CDH18: variants seen among roughly 807,000 people sequenced by gnomAD.
The protein encoded by CDH18 is cadherin 18.
Under a neutral mutation model 67.9 loss-of-function variants are expected in CDH18, and 31 were observed. The observed-to-expected ratio is 0.46, with a 90% CI of 0.34 to 0.62. CDH18 has a LOEUF of 0.62. Ranked by LOEUF, CDH18 falls within the 20% of genes least tolerant of loss-of-function variation. The pLI is 0.01. For missense variants in CDH18, 890 were observed against 975.5 expected, an observed-to-expected ratio of 0.91 and a Z score of 1.17; for synonymous variants, 362 against 347.2, an observed-to-expected ratio of 1.04 and a Z score of -0.48.
intron 3 of CDH18, among the ~76,000 whole-genome samples, chr5:19,782,592 G>A (rs749204308): frequency 1.3e-5 from 2 of 152,154 alleles, no homozygotes; most frequent in Admixed American, 6.6e-5. Context: ...ATGGAGTCAG[G>A]GCAGCACGAT....
chr5:20,073,560 C>A (rs923504674), intron 2 of CDH18, among the ~76,000 whole-genome samples: 1 of 151,942 alleles, frequency 6.6e-6, no homozygotes. Flanking sequence ...CATAAGATTG[C>A]GATATGTTTC....
intron 2 of CDH18, among the ~76,000 whole-genome samples, chr5:20,031,784 T>C (rs989022542): frequency 2.6e-4 from 39 of 152,120 alleles, no homozygotes; most frequent in African/African-American, 9.2e-4. Flanking sequence ...AATTCACAAA[T>C]GTCCTTGCAC....
chr5:20,398,207 T>C (rs1391169449), intron 1 of CDH18, among the ~76,000 whole-genome samples: 7 of 152,192 alleles, frequency 4.6e-5, no homozygotes, highest in African/African-American at 1.4e-4. Flanking sequence ...TTTTAAATTA[T>C]TATGTTTTCT....
chr5:19,684,727 G>A (rs1580857550), intron 5 of CDH18, among the ~76,000 whole-genome samples: 1 of 151,886 alleles, frequency 6.6e-6, no homozygotes, highest in East Asian at 1.9e-4. Flanking sequence ...AAAAGTGAAT[G>A]AAAGAGAGAG....
chr5:20,369,352 C>G (rs768523176), intron 1 of CDH18, among the ~76,000 whole-genome samples: 1 of 152,060 alleles, frequency 6.6e-6, no homozygotes, highest in Admixed American at 6.6e-5. Flanking sequence ...TTGCAACCTG[C>G]AAAAAGAAAC....
intron 3 of CDH18, among the ~76,000 whole-genome samples, chr5:19,816,847 A>T (rs991131370): frequency 1.3e-5 from 2 of 151,870 alleles, no homozygotes; most frequent in Non-Finnish European, 3.0e-5. Flanking sequence ...TAGGTCAAAC[A>T]AAATATAATT....
At chr5:20,084,748 G>C (rs1744802585) in intron 2 of CDH18, among the ~76,000 whole-genome samples, 1 of 152,186 alleles carries the variant, frequency 6.6e-6, no homozygotes, top group African/African-American at 2.4e-5. Context: ...CGCCAAGCTT[G>C]AGGCTTGCAT....
intron 1 of CDH18, among the ~76,000 whole-genome samples, chr5:20,522,079 G>C (rs545918634): frequency 8.5e-5 from 13 of 152,178 alleles, no homozygotes; most frequent in African/African-American, 2.9e-4. Flanking sequence ...CTTACAAAAA[G>C]AGAAAATTTG....
intron 2 of CDH18, among the ~76,000 whole-genome samples, chr5:20,159,379 G>A (rs1751801968): frequency 6.6e-6 from 1 of 152,118 alleles, no homozygotes; most frequent in Admixed American, 6.6e-5. Flanking sequence ...GCCCTAGGAG[G>A]AGGAATCTGG....
At chr5:20,453,705 G>C (rs190154262) in intron 1 of CDH18, among the ~76,000 whole-genome samples, 2 of 151,886 alleles carry the variant, frequency 1.3e-5, no homozygotes, top group African/African-American at 4.8e-5. Flanking sequence ...GTGGTTAGCA[G>C]CTCTGATCCT....
At chr5:20,174,541 T>C (rs1347101555) in intron 2 of CDH18, among the ~76,000 whole-genome samples, 1 of 152,188 alleles carries the variant, frequency 6.6e-6, no homozygotes, top group African/African-American at 2.4e-5. Context: ...CCAAATTTAT[T>C]CACCTTTTTT....
At chr5:19,934,989 G>T (rs1254511659) in intron 2 of CDH18, among the ~76,000 whole-genome samples, 2 of 151,276 alleles carry the variant, frequency 1.3e-5, no homozygotes, top group Non-Finnish European at 3.0e-5. Flanking sequence ...GTTTTGAAAA[G>T]TTTGTTTTCT....
At chr5:20,020,092 G>C (rs888636467) in intron 2 of CDH18, among the ~76,000 whole-genome samples, 4 of 152,182 alleles carry the variant, frequency 2.6e-5, no homozygotes, top group Non-Finnish European at 5.9e-5. Flanking sequence ...TTGAACTTCA[G>C]AGAGATGATA....
intron 2 of CDH18, among the ~76,000 whole-genome samples, chr5:19,898,300 T>C (rs1036982613): frequency 4.6e-4 from 70 of 152,002 alleles, no homozygotes; most frequent in African/African-American, 1.7e-3. Flanking sequence ...ACAAAATTGG[T>C]GGTCACATGA....
At chr5:20,017,498 T>C (rs1351919178) in intron 2 of CDH18, among the ~76,000 whole-genome samples, 1 of 152,142 alleles carries the variant, frequency 6.6e-6, no homozygotes, top group Admixed American at 6.5e-5. Context: ...AAAAAAGTTA[T>C]AAAAGCCAAA....
chr5:19,566,475 A>G (rs980324950), intron 8 of CDH18, among the ~76,000 whole-genome samples: 1 of 152,252 alleles, frequency 6.6e-6, no homozygotes, highest in African/African-American at 2.4e-5. Flanking sequence ...ATGGATTCAC[A>G]CGTGGCTGGG....
chr5:20,205,870 T>C (rs373598816), intron 2 of CDH18, among the ~76,000 whole-genome samples: 1 of 151,760 alleles, frequency 6.6e-6, no homozygotes, highest in African/African-American at 2.4e-5. Flanking sequence ...GAGGGAAGTT[T>C]ATAACAATAA....
intron 4 of CDH18, among the ~76,000 whole-genome samples, chr5:19,723,647 T>C (rs1279466725): frequency 2.0e-5 from 3 of 152,210 alleles, no homozygotes; most frequent in African/African-American, 7.2e-5. Context: ...TTTGGCAATT[T>C]CTTATAAAAC....
At chr5:20,337,310 T>A (rs1739866770) in intron 1 of CDH18, among the ~76,000 whole-genome samples, 2 of 152,314 alleles carry the variant, frequency 1.3e-5, no homozygotes, top group South Asian at 4.1e-4. Flanking sequence ...ATTCACATTG[T>A]CAGGCTGCAA....
Sources: gnomAD v4.1 joint callset for allele counts (sites outside exome capture counted in the v4.1 genomes callset) on GRCh38, gnomAD v4.1.1 for gene constraint, MANE v1.5 for transcripts, NCBI Gene and HGNC (gene_info 2026-07-23, HGNC 2026-07-21) for gene names.